Variants in GRM1 observed in about 807,000 individuals in gnomAD.
GRM1 encodes metabotropic glutamate receptor 1.
A neutral mutation model predicts 90.9 loss-of-function variants in GRM1; 33 were observed. The observed-to-expected ratio is 0.36, with a 90% CI of 0.28 to 0.49. The LOEUF (loss-of-function observed/expected upper bound fraction) is 0.49, where lower values mean the gene tolerates loss of function less well. GRM1 is among the 20% of genes least tolerant of loss of function. GRM1 has a pLI of 0.99. For synonymous variants in GRM1, 700 were observed against 613.2 expected, an observed-to-expected ratio of 1.14 and a Z score of -2.09; for missense variants, 1,190 against 1,534.3, an observed-to-expected ratio of 0.78 and a Z score of 3.75.
intron 2 of GRM1, among the ~76,000 whole-genome samples, chr6:146,249,309 A>G (rs1020362455): frequency 2.0e-5 from 3 of 152,150 alleles, no homozygotes; most frequent in Non-Finnish European, 4.4e-5. Context: ...AGCCTCTCCC[A>G]TTACAAGTCT....
chr6:146,321,326 C>T lies in GRM1; in HGVS notation c.1186+16480C>T, dbSNP rs955397788. Reference sequence around the variant, plus strand: ...CTGAGTTCTAATTTGACTACGCTGTCGTCTGCGAGACTGTTTTGATTTCTG... The same window carrying T: ...CTGAGTTCTAATTTGACTACGCTGTTGTCTGCGAGACTGTTTTGATTTCTG... On this transcript the variant is annotated intron_variant, in intron 3 of 7. Coordinates refer to ENST00000282753, the MANE Select transcript of GRM1 (RefSeq NM_001278064.2). Among the ~76,000 whole-genome samples the T allele has an allele frequency of 3.3e-5, 5 of 152,236 alleles. No individual in the cohort carries two copies. In the South Asian group the frequency reaches 1.0e-3, roughly 32 times the overall value.
At chr6:146,077,902 G>A (rs1776241162) in intron 1 of GRM1, among the ~76,000 whole-genome samples, 1 of 152,120 alleles carries the variant, frequency 6.6e-6, no homozygotes, top group South Asian at 2.1e-4. Flanking sequence ...TGCTTCAGGT[G>A]AGCCAGGAGG....
intron 2 of GRM1, among the ~76,000 whole-genome samples, chr6:146,182,087 G>A (rs1778570600): frequency 1.3e-5 from 2 of 152,082 alleles, no homozygotes; most frequent in African/African-American, 4.8e-5. Flanking sequence ...TGAAAGTAAA[G>A]GAAATGGATT....
At chr6:146,064,640 AC>A (rs1213607708) in intron 1 of GRM1, among the ~76,000 whole-genome samples, 2 of 151,782 alleles carry the variant, frequency 1.3e-5, no homozygotes, top group African/African-American at 4.8e-5. Context: ...AAAATAAAAA[AC>A]AAGGGGTCAG....
chr6:146,062,046 G>A (rs183198438), intron 1 of GRM1, among the ~76,000 whole-genome samples: 295 of 152,188 alleles, frequency 1.9e-3, no homozygotes, highest in African/African-American at 6.7e-3. Context: ...ACACACGCAC[G>A]TATGTTTATT....
At chr6:146,426,195 G>T (rs958642110) in intron 7 of GRM1, among the ~76,000 whole-genome samples, 1 of 152,170 alleles carries the variant, frequency 6.6e-6, no homozygotes, top group Admixed American at 6.5e-5. Flanking sequence ...CTTCCTTTAG[G>T]AGTAGAGGGT....
At chr6:146,150,231 T>C (rs995366466) in intron 1 of GRM1, among the ~76,000 whole-genome samples, 2 of 152,126 alleles carry the variant, frequency 1.3e-5, no homozygotes, top group Non-Finnish European at 2.9e-5. Flanking sequence ...CTGATATCTG[T>C]CTGCACTGAG....
intron 1 of GRM1, among the ~76,000 whole-genome samples, chr6:146,114,258 A>T (rs569008478): frequency 4.6e-4 from 70 of 152,306 alleles, no homozygotes; most frequent in African/African-American, 1.7e-3. Flanking sequence ...AATAGGCAAA[A>T]AACTTTAAAT....
At chr6:146,403,579 A>C (rs1480153788) in intron 7 of GRM1, among the ~76,000 whole-genome samples, 1 of 152,114 alleles carries the variant, frequency 6.6e-6, no homozygotes, top group Non-Finnish European at 1.5e-5. Context: ...AATGATGCTC[A>C]GAGGAAATTT....
intron 7 of GRM1, among the ~76,000 whole-genome samples, chr6:146,432,646 C>T (rs777574957): frequency 6.6e-6 from 1 of 152,062 alleles, no homozygotes; most frequent in Non-Finnish European, 1.5e-5. Flanking sequence ...TGTCATTTTA[C>T]TGAGTACAGA....
intron 1 of GRM1, among the ~76,000 whole-genome samples, chr6:146,145,369 C>T (rs1777055607): frequency 6.6e-6 from 1 of 152,154 alleles, no homozygotes; most frequent in Non-Finnish European, 1.5e-5. Context: ...ATCACAGCCC[C>T]AGAAGCCTAG....
At chr6:146,079,883 G>A (rs1029985580) in intron 1 of GRM1, among the ~76,000 whole-genome samples, 1 of 152,184 alleles carries the variant, frequency 6.6e-6, no homozygotes, top group African/African-American at 2.4e-5. Context: ...TACCACTATG[G>A]ATGGGTTAAG....
At chr6:146,263,131 A>G (rs1174382095) in intron 2 of GRM1, among the ~76,000 whole-genome samples, 1 of 152,022 alleles carries the variant, frequency 6.6e-6, no homozygotes, top group Non-Finnish European at 1.5e-5. Flanking sequence ...TTAGAAACGT[A>G]TCAGGATACT....
At chr6:146,105,322 G>A (rs1346024871) in intron 1 of GRM1, among the ~76,000 whole-genome samples, 3 of 151,892 alleles carry the variant, frequency 2.0e-5, no homozygotes, top group African/African-American at 4.8e-5. Context: ...GGAGTAAGTA[G>A]CCTTTAAACT....
At chr6:146,357,017 T>A (rs1785609336) in intron 4 of GRM1, among the ~76,000 whole-genome samples, 1 of 152,208 alleles carries the variant, frequency 6.6e-6, no homozygotes, top group African/African-American at 2.4e-5. Flanking sequence ...AGACATTAAA[T>A]CCTCAACATC....
chr6:146,384,849 GA>G (rs909153232), intron 5 of GRM1, among the ~76,000 whole-genome samples: 3 of 151,848 alleles, frequency 2.0e-5, no homozygotes, highest in South Asian at 2.1e-4. Flanking sequence ...ACATATCTAA[GA>G]AAAAAACATT....
At chr6:146,194,640 A>C (rs1349037066) in intron 2 of GRM1, among the ~76,000 whole-genome samples, 1 of 152,190 alleles carries the variant, frequency 6.6e-6, no homozygotes, top group Non-Finnish European at 1.5e-5. Flanking sequence ...TTTGACACCC[A>C]GTTGCAGACA....
chr6:146,212,376 A>G (rs551923945), intron 2 of GRM1, among the ~76,000 whole-genome samples: 12 of 152,316 alleles, frequency 7.9e-5, no homozygotes, highest in Non-Finnish European at 1.3e-4. Context: ...AAAAGATTTC[A>G]TTTTGAAGAT....
chr6:146,434,599 G>A lies in GRM1; in HGVS notation c.3388G>A (p.Asp1130Asn), dbSNP rs762206298. ...EEDELEEEEE[D>N]LQAASKLTPD... ...AGACGAACTGGAAGAGGAGGAGGAG[G>A]ACCTGCAGGCGGCCAGCAAACTGAC... is the stretch of plus-strand genomic sequence containing the variant. Residue 1130 changes from aspartate (D) to asparagine (N), a missense_variant, in exon 8 of 8, where the codon GAC becomes AAC. Coordinates refer to ENST00000282753, the MANE Select transcript of GRM1 (RefSeq NM_001278064.2). 6.2e-7 allele frequency: 1 copy of A among 1,613,608 alleles called. No individual in the cohort carries two copies. The highest frequency in any genetic ancestry group is 1.1e-5 in the South Asian group (1 of 91,082).
Sources: gnomAD v4.1 joint callset for allele counts (sites outside exome capture counted in the v4.1 genomes callset) on GRCh38, gnomAD v4.1.1 for gene constraint, MANE v1.5 for transcripts, NCBI Gene and HGNC (gene_info 2026-07-23, HGNC 2026-07-21) for gene names.